CCDC7: variants seen among roughly 807,000 people sequenced by gnomAD.
CCDC7 encodes the protein coiled-coil domain-containing protein 7.
Under a neutral mutation model 196.9 loss-of-function variants are expected in CCDC7, and 183 were observed. The ratio of observed to expected loss-of-function variants is 0.93; its 90% CI spans 0.82 to 1.05. The LOEUF (loss-of-function observed/expected upper bound fraction) is 1.05, where lower values mean the gene tolerates loss of function less well. Ranked by LOEUF, CCDC7 falls within the 50% of genes least tolerant of loss-of-function variation. The probability of loss-of-function intolerance (pLI) is 0.00; values close to 1 mark genes in which losing one functional copy is unlikely to be tolerated. For missense variants in CCDC7, 1,540 were observed against 1,482.2 expected, an observed-to-expected ratio of 1.04 and a Z score of -0.64; for synonymous variants, 525 against 484.6, an observed-to-expected ratio of 1.08 and a Z score of -1.10.
chr10:32,664,508 A>G (rs776303919), intron 21 of CCDC7, among the ~76,000 whole-genome samples: 1 of 152,024 alleles, frequency 6.6e-6, no homozygotes, highest in African/African-American at 2.4e-5. Flanking sequence ...TCCTCCCACC[A>G]TCAGCCTCTT....
At chr10:32,758,256 C>T (rs1185621086) in intron 28 of CCDC7, among the ~76,000 whole-genome samples, 1 of 152,084 alleles carries the variant, frequency 6.6e-6, no homozygotes. Flanking sequence ...TTTATGAGGC[C>T]AGCAGCATAC....
chr10:32,493,271 T>C lies in CCDC7; in HGVS notation c.872+1274T>C, dbSNP rs559273005. Among the ~76,000 whole-genome samples the C allele has an allele frequency of 1.4e-4, 21 of 152,096 alleles. No individual in the cohort carries two copies. In the South Asian group the frequency reaches 3.9e-3, roughly 29 times the overall value. The stretch of plus-strand genomic sequence containing the variant: ...AGTGAGATCATGCAGTAATTGTCTT[T>C]CTGTACCTGACTTCTTAGCATAATG... On this transcript the variant is annotated intron_variant, in intron 9 of 41. Coordinates refer to ENST00000639629, the Ensembl canonical transcript of CCDC7.
At chr10:32,798,815 C>T (rs534284672) in intron 29 of CCDC7, among the ~76,000 whole-genome samples, 35 of 152,332 alleles carry the variant, frequency 2.3e-4, no homozygotes, top group African/African-American at 8.4e-4. Context: ...GGCTGTAGTG[C>T]TGTAGCTGTC....
intron 24 of CCDC7, among the ~76,000 whole-genome samples, chr10:32,700,254 G>A (rs1232344247): frequency 2.0e-5 from 3 of 149,566 alleles, no homozygotes; most frequent in East Asian, 1.9e-4. Flanking sequence ...AAGGGATCCA[G>A]ATTCAGCTTT....
chr10:32,538,686 A>G (rs973956022), intron 11 of CCDC7, among the ~76,000 whole-genome samples: 2 of 152,188 alleles, frequency 1.3e-5, no homozygotes, highest in Non-Finnish European at 2.9e-5. Context: ...GAAGGTTTTT[A>G]ACATGAAGAG....
chr10:32,846,972 T>G (rs191101553), intron 37 of CCDC7, among the ~76,000 whole-genome samples: 1 of 152,298 alleles, frequency 6.6e-6, no homozygotes, highest in East Asian at 1.9e-4. Context: ...TTCATCTTGG[T>G]GTAAGGGTGT....
At chr10:32,533,011 T>C (rs900312471) in intron 11 of CCDC7, among the ~76,000 whole-genome samples, 1 of 152,034 alleles carries the variant, frequency 6.6e-6, no homozygotes, top group Non-Finnish European at 1.5e-5. Flanking sequence ...ATGCCTGTTT[T>C]CTGATTGTTT....
At chr10:32,554,724 T>C (rs1056403449) in intron 13 of CCDC7, among the ~76,000 whole-genome samples, 1 of 152,202 alleles carries the variant, frequency 6.6e-6, no homozygotes, top group Admixed American at 6.5e-5. Flanking sequence ...TGTGGGTCTT[T>C]TTAAGTTTTT....
chr10:32,451,698 C>A, exon 1 of CCDC7: 1 of 1,613,556 alleles, frequency 6.2e-7, no homozygotes, highest in South Asian at 1.1e-5. Flanking sequence ...AATGTTCCAG[C>A]ATTAACTACT....
chr10:32,500,024 ATCT>A (rs2043639786), intron 9 of CCDC7, among the ~76,000 whole-genome samples: 2 of 152,174 alleles, frequency 1.3e-5, no homozygotes, highest in African/African-American at 4.8e-5. Context: ...CACAGTAACA[ATCT>A]GATCTCTCTT....
At chr10:32,553,476 G>T (rs1218067128) in intron 13 of CCDC7, among the ~76,000 whole-genome samples, 1 of 152,106 alleles carries the variant, frequency 6.6e-6, no homozygotes, top group African/African-American at 2.4e-5. Context: ...TTTTTGTGGG[G>T]AATGTTAAAG....
intron 11 of CCDC7, among the ~76,000 whole-genome samples, chr10:32,530,578 A>G (rs911215379): frequency 1.3e-5 from 2 of 151,808 alleles, no homozygotes. Context: ...ATGGTATATA[A>G]TTGGTACTGT....
intron 13 of CCDC7, among the ~76,000 whole-genome samples, chr10:32,563,329 C>T (rs1372287760): frequency 1.3e-5 from 2 of 152,106 alleles, no homozygotes; most frequent in African/African-American, 2.4e-5. Flanking sequence ...CAAAAAAGAG[C>T]CCGCATTGCC....
chr10:32,841,155 C>G (rs963512986), intron 33 of CCDC7, among the ~76,000 whole-genome samples: 3 of 151,890 alleles, frequency 2.0e-5, no homozygotes, highest in African/African-American at 7.3e-5. Context: ...CCAGAGCAAT[C>G]AGACAAGGAA....
intron 32 of CCDC7, among the ~76,000 whole-genome samples, chr10:32,828,485 GGAAGAA>G (rs68150303): frequency 0.039 from 1,906 of 49,290 alleles, 47 homozygotes; most frequent in Middle Eastern, 0.051. Flanking sequence ...AAGAGGAAGA[GGAAGAA>G]GAAGAAGAAG....
At chr10:32,529,580 T>G (rs2049299048) in intron 11 of CCDC7, among the ~76,000 whole-genome samples, 1 of 152,196 alleles carries the variant, frequency 6.6e-6, no homozygotes, top group Non-Finnish European at 1.5e-5. Flanking sequence ...TTTTGAAAAT[T>G]GTCTATTCAT....
At chr10:32,827,705 A>G (rs2091347251) in intron 32 of CCDC7, among the ~76,000 whole-genome samples, 1 of 152,156 alleles carries the variant, frequency 6.6e-6, no homozygotes, top group Admixed American at 6.5e-5. Flanking sequence ...ATGACGAGTT[A>G]ATGGGTGCAG....
intron 8 of CCDC7, among the ~76,000 whole-genome samples, chr10:32,490,792 C>T (rs561037687): frequency 1.9e-4 from 28 of 150,922 alleles, no homozygotes; most frequent in Admixed American, 1.3e-4. Flanking sequence ...AGCGAGACTC[C>T]GCCTCAAAAA....
At chr10:32,668,355 C>T (rs1279716484) in intron 21 of CCDC7, among the ~76,000 whole-genome samples, 1 of 152,036 alleles carries the variant, frequency 6.6e-6, no homozygotes, top group African/African-American at 2.4e-5. Flanking sequence ...ATTGAATACC[C>T]TTTATTTCTT....
Sources: gnomAD v4.1 joint callset for allele counts (sites outside exome capture counted in the v4.1 genomes callset) on GRCh38, gnomAD v4.1.1 for gene constraint, MANE v1.5 for transcripts, NCBI Gene and HGNC (gene_info 2026-07-23, HGNC 2026-07-21) for gene names.